Variants in CD8A observed in about 807,000 individuals in gnomAD.
CD8A encodes T-cell surface glycoprotein CD8 alpha chain.
Under a neutral mutation model 24.2 loss-of-function variants are expected in CD8A, and 25 were observed. The ratio of observed to expected loss-of-function variants is 1.03; its 90% CI spans 0.75 to 1.44. The LOEUF is 1.44. Among genes scored for constraint, CD8A ranks in the 40% most tolerant of loss-of-function variants. The pLI is 0.00. For synonymous variants in CD8A, 165 were observed against 149.9 expected (o/e 1.10, Z -0.74); for missense variants, 360 against 319.7 (o/e 1.13, Z -0.96).
intron 3 of CD8A, among the ~76,000 whole-genome samples, chr2:86,799,958 G>T (rs1244631100): frequency 1.3e-5 from 2 of 148,658 alleles, no homozygotes; most frequent in Non-Finnish European, 3.0e-5. Context: ...TTTTTTAACA[G>T]AAATTAAGTC....
In CD8A at chr2:86,804,952, G is replaced by A. The variant is rs139985625; in HGVS notation, c.-418+2495C>T. On this transcript the variant is annotated intron_variant, in intron 2 of 8. Transcript: ENST00000409511. The stretch of plus-strand genomic sequence containing the variant: ...TGAGTAGCTGGGATTACAGGCACAC[G>A]CCACCATGCCTGGCTAATTTTTGTA... 5.6e-3 allele frequency among the ~76,000 whole-genome samples: 852 copies of A among 151,984 alleles called. 10 individuals are homozygous for A. Among genetic ancestry groups the A allele is most frequent in the African/African-American group, 0.019 (797 of 41,432 alleles).
intron 2 of CD8A, among the ~76,000 whole-genome samples, chr2:86,803,866 A>G (rs1673753979): frequency 6.6e-6 from 1 of 152,214 alleles, no homozygotes; most frequent in South Asian, 2.1e-4. Context: ...TCTTTTAAAA[A>G]GGTCAAATAT....
At chr2:86,806,389 C>T (rs1673898062) in intron 2 of CD8A, among the ~76,000 whole-genome samples, 1 of 152,206 alleles carries the variant, frequency 6.6e-6, no homozygotes, top group Non-Finnish European at 1.5e-5. Context: ...AAGGAAAGAC[C>T]ACGGCAAGGA....
At position 86,785,061 on chromosome 2, in the gene CD8A, C is replaced by T. The variant is rs1462245873; in HGVS notation, c.*859G>A. On this transcript the variant is annotated 3_prime_UTR_variant, in exon 6 of 6. Transcript: ENST00000283635. ...TCTCAAATTCAGAGATTCAAGAGGG[C>T]CTTAGTTTAACCTCACTGATGCTCA... 4.4e-6 allele frequency: 2 copies of T among 453,912 alleles called. No homozygotes were observed. The highest frequency in any genetic ancestry group is 4.7e-5 in the Admixed American group (2 of 42,546). 28.1% of individuals were successfully genotyped at this position (453,912 alleles called of 1,614,324 possible). A position where few individuals can be genotyped will look rare whatever the true frequency, so the allele number is the denominator to read the frequency against.
At chr2:86,793,694 C>T (rs1515950), upstream of CD8A, among the ~76,000 whole-genome samples, 29,387 of 152,220 alleles carry the variant, frequency 0.19, 3,099 homozygotes, top group Non-Finnish European at 0.25. Context: ...GGTGGAAGCA[C>T]TGAGGGGGCC....
At chr2:86,801,058 A>C (rs1673655443) in intron 3 of CD8A, among the ~76,000 whole-genome samples, 1 of 152,202 alleles carries the variant, frequency 6.6e-6, no homozygotes, top group African/African-American at 2.4e-5. Context: ...CTAGGTGAGA[A>C]GCATGGAACA....
At position 86,784,903 on chromosome 2, in the gene CD8A, C is replaced by T. The variant is rs1290850366; in HGVS notation, c.*1017G>A. On this transcript the variant is annotated 3_prime_UTR_variant, in exon 6 of 6. Coordinates refer to ENST00000283635, the MANE Select transcript of CD8A (RefSeq NM_001768.7). ...GGACAGCAGTTTGGGCTCTCAGCCT[C>T]CTTAAGAGAGTCAGGTCTGCCTCAT... 1 of 453,958 alleles carries T rather than the reference C, an allele frequency of 2.2e-6. No homozygotes were observed. Among genetic ancestry groups the T allele is most frequent in the Non-Finnish European group, 4.4e-6 (1 of 226,794 alleles). 28.1% of individuals were successfully genotyped at this position (453,958 alleles called of 1,614,324 possible).
intron 4 of CD8A, 100 bp downstream of exon 4, chr2:86,789,223 T>C: frequency 1.2e-6 from 1 of 821,248 alleles, no homozygotes; most frequent in Non-Finnish European, 2.2e-6. Context: ...CCCAGAAAAC[T>C]CAACCCCAAG....
intron 2 of CD8A, among the ~76,000 whole-genome samples, chr2:86,803,505 A>G (rs193292976): frequency 3.3e-4 from 50 of 152,256 alleles, no homozygotes; most frequent in African/African-American, 1.2e-3. Context: ...GAAAGAAGCC[A>G]GACACAGAAA....
In CD8A at chr2:86,790,464, G is replaced by C; in HGVS notation, c.267C>G (p.Phe89Leu). The C allele has an allele frequency of 1.9e-6, 3 of 1,614,172 alleles. No homozygotes were observed. The highest frequency in any genetic ancestry group is 2.5e-6 in the Non-Finnish European group (3 of 1,180,028). Residue 89 changes from phenylalanine (F) to leucine (L), a missense_variant, in exon 2 of 6, where the codon TTC (phenylalanine) becomes TTG (leucine). Transcript: ENST00000283635. ...KAAEGLDTQR[F>L]SGKRLGDTFV... ...AGGTGTCCCCCAACCTCTTGCCCGA[G>C]AACCGCTGGGTGTCCAGCCCCTCGG...
At chr2:86,796,553 G>A (rs943634098) in intron 3 of CD8A, among the ~76,000 whole-genome samples, 2 of 152,150 alleles carry the variant, frequency 1.3e-5, no homozygotes, top group African/African-American at 4.8e-5. Flanking sequence ...TACACATTTT[G>A]GTTACACCTT....
intron 3 of CD8A, 102 bp downstream of exon 3, chr2:86,789,538 C>A: frequency 1.5e-6 from 2 of 1,338,158 alleles, no homozygotes; most frequent in South Asian, 2.4e-5. Context: ...TTTCCCACCA[C>A]TTGGACAGCC....
intron 2 of CD8A, among the ~76,000 whole-genome samples, chr2:86,803,644 T>C (rs1673746794): frequency 6.6e-6 from 1 of 152,208 alleles, no homozygotes; most frequent in Non-Finnish European, 1.5e-5. Flanking sequence ...CTCTGCCTCC[T>C]GGGTTCAAGT....
chr2:86,793,437 T>C (rs1010547245), upstream of CD8A, among the ~76,000 whole-genome samples: 5 of 152,224 alleles, frequency 3.3e-5, no homozygotes, highest in African/African-American at 1.2e-4. Context: ...TGTGTGTGCA[T>C]GGTATGAGGG....
intron 5 of CD8A, 145 bp downstream of exon 5, chr2:86,788,385 C>T (rs1239424672): frequency 1.4e-6 from 1 of 730,504 alleles, no homozygotes; most frequent in Non-Finnish European, 2.5e-6. Flanking sequence ...CCTCTCTTTG[C>T]TCAGGAACTG....
intron 3 of CD8A, among the ~76,000 whole-genome samples, chr2:86,798,977 T>C (rs1673574571): frequency 6.6e-6 from 1 of 152,230 alleles, no homozygotes; most frequent in Non-Finnish European, 1.5e-5. Flanking sequence ...AATGTCATCA[T>C]ATTGTGTGTC....
chr2:86,800,235 G>A (rs557626069), intron 3 of CD8A, among the ~76,000 whole-genome samples: 9 of 152,078 alleles, frequency 5.9e-5, no homozygotes, highest in African/African-American at 2.2e-4. Flanking sequence ...CGCAGTGGGT[G>A]GATCACAAGG....
In CD8A at chr2:86,800,519, GAAATT is replaced by G. The variant is rs563461860; in HGVS notation, c.-271+987_-271+991del. Among the ~76,000 whole-genome samples, 141 of 151,732 alleles carry G rather than the reference GAAATT, an allele frequency of 9.3e-4. 1 individual carries two copies. The highest frequency in any genetic ancestry group is 3.8e-3 in the South Asian group (18 of 4,786). ...TATTGTTTGTATTGGAATTTGTCTT[GAAATT>G]AAATTAAAAATATTTCTAATACCCC... On this transcript the variant is annotated intron_variant, in intron 3 of 8. Transcript: ENST00000409511.
chr2:86,806,583 G>A (rs1340136887), intron 2 of CD8A, among the ~76,000 whole-genome samples: 1 of 152,220 alleles, frequency 6.6e-6, no homozygotes. Flanking sequence ...CAGACGCTGA[G>A]GTCAACTGCC....
Sources: gnomAD v4.1 joint callset for allele counts (sites outside exome capture counted in the v4.1 genomes callset) on GRCh38, gnomAD v4.1.1 for gene constraint, MANE v1.5 for transcripts, NCBI Gene and HGNC (gene_info 2026-07-23, HGNC 2026-07-21) for gene names.